The following RBFOX1 variants were observed in gnomAD, a reference collection of about 807,000 sequenced individuals.
RBFOX1 encodes the protein RNA binding protein fox-1 homolog 1.
Under a neutral mutation model 57.7 loss-of-function variants are expected in RBFOX1, and 8 were observed. That is an observed-to-expected ratio of 0.14 (90% CI 0.08 to 0.25). RBFOX1 has a LOEUF of 0.25. RBFOX1 is among the 10% of genes least tolerant of loss of function. The pLI, the probability that RBFOX1 is intolerant of heterozygous loss-of-function variation, is 1.00. For synonymous variants in RBFOX1, 326 were observed against 222.4 expected (o/e 1.47, Z -4.15); for missense variants, 611 against 548.5 (o/e 1.11, Z -1.14).
At chr16:6,848,773 C>T (rs536976692) in intron 3 of RBFOX1, among the ~76,000 whole-genome samples, 2 of 152,098 alleles carry the variant, frequency 1.3e-5, no homozygotes, top group African/African-American at 2.4e-5. Context: ...AGAAGAAACT[C>T]AGCAGGCAGC....
intron 1 of RBFOX1, among the ~76,000 whole-genome samples, chr16:6,084,094 G>A (rs185778141): frequency 1.3e-5 from 2 of 152,284 alleles, no homozygotes; most frequent in Admixed American, 1.3e-4. Flanking sequence ...TTAGGGGCCT[G>A]AGCTTTTCAA....
At chr16:7,152,102 A>G (rs908287835) in intron 4 of RBFOX1, among the ~76,000 whole-genome samples, 9 of 152,324 alleles carry the variant, frequency 5.9e-5, no homozygotes, top group African/African-American at 2.2e-4. Context: ...ACCTTCTCAC[A>G]CATGGGTTCC....
At chr16:6,711,926 TCTC>T (rs963108252) in intron 3 of RBFOX1, among the ~76,000 whole-genome samples, 1 of 152,170 alleles carries the variant, frequency 6.6e-6, no homozygotes, top group African/African-American at 2.4e-5. Context: ...AAAATTGCCT[TCTC>T]CTACATTTCT....
chr16:7,182,081 A>C (rs1297911672), intron 4 of RBFOX1, among the ~76,000 whole-genome samples: 1 of 152,232 alleles, frequency 6.6e-6, no homozygotes, highest in East Asian at 1.9e-4. Flanking sequence ...GAGTCTTCAG[A>C]AGCTTGTTCA....
intron 3 of RBFOX1, among the ~76,000 whole-genome samples, chr16:6,786,198 C>A (rs561257093): frequency 1.3e-5 from 2 of 152,174 alleles, no homozygotes; most frequent in Non-Finnish European, 2.9e-5. Context: ...ACTCCTCATT[C>A]CTTGGGGAGG....
intron 4 of RBFOX1, among the ~76,000 whole-genome samples, chr16:7,211,694 G>A (rs958620681): frequency 6.6e-6 from 1 of 152,098 alleles, no homozygotes; most frequent in Admixed American, 6.5e-5. Context: ...TCCTGCCCTG[G>A]GGTAATGGGT....
At chr16:7,234,216 C>G (rs1248648939) in intron 4 of RBFOX1, among the ~76,000 whole-genome samples, 2 of 151,962 alleles carry the variant, frequency 1.3e-5, no homozygotes, top group Non-Finnish European at 2.9e-5. Flanking sequence ...AGTGAGGGCT[C>G]ACATGCTGGA....
chr16:6,173,409 C>G (rs1429473938), intron 1 of RBFOX1, among the ~76,000 whole-genome samples: 1 of 152,074 alleles, frequency 6.6e-6, no homozygotes, highest in Admixed American at 6.6e-5. Flanking sequence ...GTGTTATTTG[C>G]AGTCATATGC....
chr16:5,638,719 A>G (rs2048766589), intron 3 of RBFOX1, among the ~76,000 whole-genome samples: 2 of 152,224 alleles, frequency 1.3e-5, no homozygotes, highest in East Asian at 3.8e-4. Context: ...CTGTCCCCAC[A>G]GACACTGGCT....
intron 4 of RBFOX1, among the ~76,000 whole-genome samples, chr16:7,471,829 C>T (rs1000527745): frequency 1.3e-5 from 2 of 152,160 alleles, no homozygotes; most frequent in Non-Finnish European, 2.9e-5. Context: ...CAGGGCCTGA[C>T]CCACAGATTG....
intron 1 of RBFOX1, among the ~76,000 whole-genome samples, chr16:5,446,808 C>T (rs1007664691): frequency 2.6e-4 from 40 of 152,264 alleles, no homozygotes; most frequent in African/African-American, 9.1e-4. Context: ...AGCTGGGCTC[C>T]ACGTGGCAGA....
At chr16:5,740,558 A>G (rs1252944317) in intron 3 of RBFOX1, among the ~76,000 whole-genome samples, 1 of 152,264 alleles carries the variant, frequency 6.6e-6, no homozygotes. Context: ...AATGATAAGC[A>G]GAAAGGGAAT....
intron 3 of RBFOX1, among the ~76,000 whole-genome samples, chr16:7,031,130 G>A (rs946733397): frequency 1.3e-5 from 2 of 152,184 alleles, no homozygotes; most frequent in African/African-American, 2.4e-5. Flanking sequence ...GCAACTGCAG[G>A]TATGCTGCAG....
chr16:7,437,308 C>G (rs1444779985), intron 4 of RBFOX1, among the ~76,000 whole-genome samples: 1 of 151,114 alleles, frequency 6.6e-6, no homozygotes, highest in Non-Finnish European at 1.5e-5. Flanking sequence ...ACAGGCAGCT[C>G]CCACTTTGAG....
intron 3 of RBFOX1, among the ~76,000 whole-genome samples, chr16:7,014,716 C>T (rs971405081): frequency 4.0e-5 from 6 of 151,500 alleles, no homozygotes; most frequent in African/African-American, 9.7e-5. Context: ...AAACTAGAAG[C>T]CAAGTTCTTT....
intron 2 of RBFOX1, among the ~76,000 whole-genome samples, chr16:6,515,192 T>A (rs956502453): frequency 1.3e-5 from 2 of 152,236 alleles, no homozygotes; most frequent in Admixed American, 1.3e-4. Context: ...TCACTCTGGC[T>A]ATACAAGATC....
chr16:6,937,900 C>G (rs966197089), intron 3 of RBFOX1, among the ~76,000 whole-genome samples: 2 of 141,186 alleles, frequency 1.4e-5, no homozygotes, highest in Non-Finnish European at 3.0e-5. Flanking sequence ...TATCATGAGG[C>G]ATTCCTATCA....
chr16:6,430,985 A>AAAG (rs1424031332), intron 2 of RBFOX1, among the ~76,000 whole-genome samples: 7 of 151,322 alleles, frequency 4.6e-5, no homozygotes, highest in Admixed American at 1.3e-4. Flanking sequence ...AAAAAAAAAA[A>AAAG]AAATTAGCCA....
At chr16:6,835,054 C>T (rs564441423) in intron 3 of RBFOX1, among the ~76,000 whole-genome samples, 28 of 152,122 alleles carry the variant, frequency 1.8e-4, no homozygotes, top group African/African-American at 5.5e-4. Flanking sequence ...CACCATGCCC[C>T]GGCTAATTTT....
Sources: gnomAD v4.1 joint callset for allele counts (sites outside exome capture counted in the v4.1 genomes callset) on GRCh38, gnomAD v4.1.1 for gene constraint, MANE v1.5 for transcripts, NCBI Gene and HGNC (gene_info 2026-07-23, HGNC 2026-07-21) for gene names.